The following VAV2 variants were observed in gnomAD, a reference collection of about 807,000 sequenced individuals.
VAV2 encodes vav guanine nucleotide exchange factor 2.
VAV2 carries 67 observed loss-of-function variants against 132.5 expected under a neutral mutation model. The ratio of observed to expected loss-of-function variants is 0.51; its 90% CI spans 0.42 to 0.62. The LOEUF (loss-of-function observed/expected upper bound fraction) is 0.62, where lower values mean the gene tolerates loss of function less well. Ranked by LOEUF, VAV2 falls within the 20% of genes least tolerant of loss-of-function variation. The pLI is 0.00. For synonymous variants in VAV2, 492 were observed against 443.5 expected, an observed-to-expected ratio of 1.11 and a Z score of -1.37; for missense variants, 938 against 1,153.6, an observed-to-expected ratio of 0.81 and a Z score of 2.71.
intron 2 of VAV2, among the ~76,000 whole-genome samples, chr9:133,871,392 A>AGATG (rs1838035334): frequency 7.0e-6 from 1 of 142,328 alleles, no homozygotes; most frequent in African/African-American, 2.8e-5. Flanking sequence ...ATGGATGAAT[A>AGATG]GATGGACGGA....
chr9:133,809,834 G>T (rs748940438), intron 6 of VAV2, among the ~76,000 whole-genome samples: 1 of 152,236 alleles, frequency 6.6e-6, no homozygotes, highest in South Asian at 2.1e-4. Flanking sequence ...TCCCAACACT[G>T]TCTTTAAGGT....
chr9:133,807,973 C>A lies in VAV2; in HGVS notation c.667-647G>T, dbSNP rs138659675. ...CAGCCAGCCGCTCTGCAGGCATCCT[C>A]TGGGCCCAGCTGCTGCACCGCTCCT... is the stretch of plus-strand genomic sequence containing the variant. On this transcript the variant is annotated intron_variant, in intron 7 of 29. Transcript: ENST00000371850. Among the ~76,000 whole-genome samples the A allele has an allele frequency of 1.7e-3, 259 of 152,382 alleles. 1 individual carries two copies. Among genetic ancestry groups the A allele is most frequent in the African/African-American group, 6.0e-3 (251 of 41,600 alleles).
intron 2 of VAV2, among the ~76,000 whole-genome samples, chr9:133,867,334 G>A (rs1271490042): frequency 6.6e-6 from 1 of 152,240 alleles, no homozygotes; most frequent in Non-Finnish European, 1.5e-5. Context: ...GCGCCTTGGA[G>A]AGATGGAAGC....
chr9:133,910,416 C>T, intron 2 of VAV2, among the ~76,000 whole-genome samples: 1 of 152,132 alleles, frequency 6.6e-6, no homozygotes, highest in East Asian at 1.9e-4. Flanking sequence ...GAAGGGGGCA[C>T]CGTGCGGTGG....
chr9:133,987,316 G>A (rs1842886833), intron 1 of VAV2, among the ~76,000 whole-genome samples: 1 of 152,366 alleles, frequency 6.6e-6, no homozygotes, highest in South Asian at 2.1e-4. Context: ...CAGTGGAGGA[G>A]TGAGATCGAG....
In VAV2 at chr9:133,879,239, A is replaced by T. The variant is rs867041703; in HGVS notation, c.322-17807T>A. 5.9e-5 allele frequency among the ~76,000 whole-genome samples: 9 copies of T among 152,118 alleles called. No homozygotes were observed. Among genetic ancestry groups the T allele is most frequent in the Non-Finnish European group, 1.5e-5 (1 of 68,032 alleles). On this transcript the variant is annotated intron_variant, in intron 2 of 29. Transcript: ENST00000371850. The surrounding 1 kb of genome is among the most constrained non-coding windows in gnomAD (Gnocchi z 4.4). ...CTCTTGCTTCCTCACTCAGGTGTGC[A>T]ATACACTTTGAGCAGCTGCTGCGTA...
intron 3 of VAV2, among the ~76,000 whole-genome samples, chr9:133,847,874 C>T (rs961203354): frequency 6.6e-6 from 1 of 152,154 alleles, no homozygotes; most frequent in African/African-American, 2.4e-5. Flanking sequence ...GCCACAGTGA[C>T]AGATGGGACA....
intron 4 of VAV2, among the ~76,000 whole-genome samples, chr9:133,814,341 CA>C (rs1477614059): frequency 6.6e-6 from 1 of 152,248 alleles, no homozygotes; most frequent in Non-Finnish European, 1.5e-5. Context: ...GGGATGCAGG[CA>C]AGTGACTGCA....
intron 2 of VAV2, among the ~76,000 whole-genome samples, chr9:133,878,847 A>T (rs1838373225): frequency 6.6e-6 from 1 of 152,148 alleles, no homozygotes; most frequent in South Asian, 2.1e-4. Flanking sequence ...GAGCACTCGG[A>T]GTGGAAGCGC....
intron 3 of VAV2, among the ~76,000 whole-genome samples, chr9:133,842,901 G>A (rs796722193): frequency 2.6e-5 from 4 of 152,238 alleles, no homozygotes; most frequent in South Asian, 2.1e-4. Flanking sequence ...ATCAGGAAGC[G>A]CAGCGTGGAG....
intron 8 of VAV2, among the ~76,000 whole-genome samples, chr9:133,806,417 C>T (rs908854212): frequency 2.6e-5 from 4 of 152,174 alleles, no homozygotes; most frequent in African/African-American, 4.8e-5. Context: ...CCACAGCCCG[C>T]ACCAGCCCAT....
chr9:133,856,389 G>C (rs1238954640), intron 3 of VAV2, among the ~76,000 whole-genome samples: 1 of 152,168 alleles, frequency 6.6e-6, no homozygotes, highest in Non-Finnish European at 1.5e-5. Context: ...TGAGGAGCCA[G>C]GGTTGAGCCC....
intron 1 of VAV2, among the ~76,000 whole-genome samples, chr9:133,967,034 C>CAAAAA (rs71380266): frequency 9.4e-6 from 1 of 106,182 alleles, no homozygotes. Context: ...GACTTTGTCT[C>CAAAAA]AAAAAAAAAA....
intron 19 of VAV2, among the ~76,000 whole-genome samples, chr9:133,783,154 T>C (rs1236724796): frequency 6.6e-6 from 1 of 152,208 alleles, no homozygotes; most frequent in Non-Finnish European, 1.5e-5. Context: ...GTTTCTGTGA[T>C]GAGAAACCTC....
chr9:133,974,267 G>A (rs2132267479), intron 1 of VAV2, among the ~76,000 whole-genome samples: 1 of 152,262 alleles, frequency 6.6e-6, no homozygotes, highest in Admixed American at 6.5e-5. Context: ...ACGCTTGCTG[G>A]GTGAGTGAAT....
chr9:133,938,670 A>G lies in VAV2; in HGVS notation c.321+433T>C, dbSNP rs142447128. 1.1e-3 allele frequency among the ~76,000 whole-genome samples: 166 copies of G among 152,244 alleles called. 1 individual carries two copies. The highest frequency in any genetic ancestry group is 1.8e-3 in the Non-Finnish European group (122 of 68,012). On this transcript the variant is annotated intron_variant, in intron 2 of 29. Transcript: ENST00000371850. Reference sequence around the variant, plus strand: ...GAGATAATCCATTTACAGAGCACACAGTAGGCGCTTTCCCCTCCTCATCTC... The same window carrying G: ...GAGATAATCCATTTACAGAGCACACGGTAGGCGCTTTCCCCTCCTCATCTC...
intron 2 of VAV2, among the ~76,000 whole-genome samples, chr9:133,869,172 T>A (rs1259552711): frequency 2.0e-5 from 3 of 152,100 alleles, no homozygotes; most frequent in Non-Finnish European, 4.4e-5. Flanking sequence ...TAATCTTGTA[T>A]TTTTAGTAGA....
rs151276883 is a variant in VAV2, at chr9:133,898,439, C to A, written c.322-37007G>T. On this transcript the variant is annotated intron_variant, in intron 2 of 29. Transcript: ENST00000371850. The stretch of plus-strand genomic sequence containing the variant: ...CCTTGTCTCTACTAAAAAAAAAATA[C>A]AAAAATCAGCCAGGCGTGGTGGCAG... 2.2e-3 allele frequency among the ~76,000 whole-genome samples: 306 copies of A among 138,856 alleles called. 3 individuals are homozygous for A. The highest frequency in any genetic ancestry group is 7.7e-3 in the African/African-American group (289 of 37,312). 91.1% of individuals were successfully genotyped at this position (138,856 alleles called of 152,430 possible).
intron 3 of VAV2, among the ~76,000 whole-genome samples, chr9:133,844,323 G>A (rs1177702990): frequency 6.6e-6 from 1 of 152,188 alleles, no homozygotes; most frequent in African/African-American, 2.4e-5. Context: ...CTTCCCCGGT[G>A]AGCATGCAGA....
Sources: allele counts gnomAD v4.1 joint callset (sites outside exome capture counted in the v4.1 genomes callset), GRCh38; gene constraint gnomAD v4.1.1; non-coding constraint Gnocchi (gnomAD v3.1); transcripts MANE v1.5; gene names NCBI Gene and HGNC (gene_info 2026-07-23, HGNC 2026-07-21).